The following SPATA9 variants were observed in gnomAD, a reference collection of about 807,000 sequenced individuals.
The protein encoded by SPATA9 is spermatogenesis-associated protein 9.
A neutral mutation model predicts 25.5 loss-of-function variants in SPATA9; 27 were observed. The ratio of observed to expected loss-of-function variants is 1.06; its 90% CI spans 0.78 to 1.46. The LOEUF (loss-of-function observed/expected upper bound fraction) is 1.46, where lower values mean the gene tolerates loss of function less well. Among genes scored for constraint, SPATA9 ranks in the 40% most tolerant of loss-of-function variants. The pLI, the probability that SPATA9 is intolerant of heterozygous loss-of-function variation, is 0.00. For missense variants in SPATA9, 282 were observed against 297.5 expected, an observed-to-expected ratio of 0.95 and a Z score of 0.38; for synonymous variants, 102 against 105.7, an observed-to-expected ratio of 0.97 and a Z score of 0.21.
At chr5:95,709,747 C>T in the SPATA9 span, among the ~76,000 whole-genome samples, 2 of 152,164 alleles carry the variant, frequency 1.3e-5, no homozygotes, top group Admixed American at 6.5e-5. Context: ...GTACCCAGCC[C>T]GGTGTGGTTT....
the SPATA9 span, chr5:95,731,517 C>T: frequency 3.2e-6 from 4 of 1,261,650 alleles, no homozygotes; most frequent in Non-Finnish European, 4.0e-6. Context: ...CGCTGGCTGG[C>T]GCGGCCCCGG....
chr5:95,731,779 C>A, the SPATA9 span: 2 of 1,602,962 alleles, frequency 1.2e-6, no homozygotes, highest in Non-Finnish European at 1.7e-6. Context: ...CGCGCGCTGT[C>A]CCCCGCACTT....
the SPATA9 span, among the ~76,000 whole-genome samples, chr5:95,704,064 T>TACACAC: frequency 6.7e-6 from 1 of 150,224 alleles, no homozygotes; most frequent in African/African-American, 2.4e-5. Flanking sequence ...TATACACACA[T>TACACAC]ACACACACAC....
chr5:95,675,757 T>C, intron 2 of SPATA9, 118 bp from the exon 3 acceptor site: 1 of 729,646 alleles, frequency 1.4e-6, no homozygotes, highest in Non-Finnish European at 2.2e-6. Flanking sequence ...ATGCATATAT[T>C]CAACATCCAA....
chr5:95,682,469 G>T, intron 2 of SPATA9, 59 bp downstream of exon 2: 2 of 1,193,242 alleles, frequency 1.7e-6, no homozygotes, highest in Non-Finnish European at 2.4e-6. Flanking sequence ...TAATGGGTAT[G>T]ATACTAAAAA....
chr5:95,660,664 A>G (rs770393424), intron 4 of SPATA9, among the ~76,000 whole-genome samples: 1 of 152,100 alleles, frequency 6.6e-6, no homozygotes, highest in Non-Finnish European at 1.5e-5. Flanking sequence ...GGAAAGTTCT[A>G]TCCTATTTGA....
At chr5:95,718,193 C>T in the SPATA9 span, among the ~76,000 whole-genome samples, 3 of 151,766 alleles carry the variant, frequency 2.0e-5, no homozygotes, top group African/African-American at 7.3e-5. Flanking sequence ...TGCTTCTAGC[C>T]GTATGGGGAA....
At chr5:95,718,800 A>T in the SPATA9 span, among the ~76,000 whole-genome samples, 1 of 152,220 alleles carries the variant, frequency 6.6e-6, no homozygotes, top group African/African-American at 2.4e-5. Context: ...TCAGTTGGAT[A>T]GGGAAGAAAA....
chr5:95,731,143 C>T, the SPATA9 span: 9 of 1,015,644 alleles, frequency 8.9e-6, no homozygotes, highest in Non-Finnish European at 1.1e-5. Context: ...TTCCGCGGCG[C>T]CCCGCGCGGG....
chr5:95,670,138 A>G (rs1475488793), intron 3 of SPATA9, among the ~76,000 whole-genome samples: 3 of 152,102 alleles, frequency 2.0e-5, no homozygotes, highest in Non-Finnish European at 4.4e-5. Flanking sequence ...GCTATGACAT[A>G]TTAAGCATGC....
chr5:95,699,434 G>C (rs185819712), upstream of SPATA9, among the ~76,000 whole-genome samples: 1 of 152,146 alleles, frequency 6.6e-6, no homozygotes, highest in Non-Finnish European at 1.5e-5. Context: ...TGGTGACCTG[G>C]CCAATGGGAA....
the SPATA9 span, among the ~76,000 whole-genome samples, chr5:95,703,835 AATC>A: frequency 1.4e-5 from 1 of 73,816 alleles, no homozygotes; most frequent in Non-Finnish European, 2.3e-5. Context: ...ATAGGCATTA[AATC>A]ATCAATTATT....
At chr5:95,707,198 G>A in the SPATA9 span, among the ~76,000 whole-genome samples, 1 of 152,192 alleles carries the variant, frequency 6.6e-6, no homozygotes, top group Non-Finnish European at 1.5e-5. Context: ...CCCTAGCTGT[G>A]AAAGAACTAC....
At chr5:95,720,552 A>C in the SPATA9 span, among the ~76,000 whole-genome samples, 2 of 152,172 alleles carry the variant, frequency 1.3e-5, no homozygotes, top group African/African-American at 4.8e-5. Flanking sequence ...CTAGTAACAG[A>C]CTGTTCCATT....
At chr5:95,731,687 A>G in the SPATA9 span, 2 of 1,613,356 alleles carry the variant, frequency 1.2e-6, no homozygotes, top group South Asian at 2.2e-5. Context: ...GAGATCATGT[A>G]CGTACGCGCC....
the SPATA9 span, among the ~76,000 whole-genome samples, chr5:95,715,038 G>T: frequency 1.3e-5 from 2 of 152,058 alleles, no homozygotes; most frequent in Non-Finnish European, 2.9e-5. Context: ...ATTTATGTAA[G>T]ATTGTGGCCG....
intron 1 of SPATA9, among the ~76,000 whole-genome samples, chr5:95,692,909 A>G (rs375751400): frequency 4.6e-5 from 7 of 152,212 alleles, no homozygotes; most frequent in African/African-American, 1.7e-4. Flanking sequence ...ATATTACTCT[A>G]GTCAAATAAT....
upstream of SPATA9, chr5:95,684,842 C>A (rs1753698874): frequency 6.6e-6 from 1 of 151,876 alleles, no homozygotes; most frequent in Non-Finnish European, 1.5e-5. Flanking sequence ...AATAGAGTAC[C>A]CCATAATTAT....
the SPATA9 span, among the ~76,000 whole-genome samples, chr5:95,711,363 C>A: frequency 1.3e-5 from 2 of 152,094 alleles, no homozygotes; most frequent in African/African-American, 4.8e-5. Context: ...CCAGGTGGGC[C>A]GATGGGTCTG....
Sources: gnomAD v4.1 joint callset for allele counts (sites outside exome capture counted in the v4.1 genomes callset) on GRCh38, gnomAD v4.1.1 for gene constraint, MANE v1.5 for transcripts, NCBI Gene and HGNC (gene_info 2026-07-23, HGNC 2026-07-21) for gene names.